TSNARE1: variants seen among roughly 807,000 people sequenced by gnomAD.
TSNARE1 encodes t-SNARE domain containing 1.
TSNARE1 carries 49 observed loss-of-function variants against 62.0 expected under a neutral mutation model. The observed-to-expected ratio is 0.79, with a 90% confidence interval of 0.63 to 1.00. The LOEUF (loss-of-function observed/expected upper bound fraction) is 1.00. Ranked by LOEUF, TSNARE1 falls within the 50% of genes least tolerant of loss-of-function variation. TSNARE1 has a pLI of 0.00. For missense variants in TSNARE1, 755 were observed against 700.1 expected, an observed-to-expected ratio of 1.08 and a Z score of -0.88; for synonymous variants, 328 against 294.4, an observed-to-expected ratio of 1.11 and a Z score of -1.17.
intron 4 of TSNARE1, among the ~76,000 whole-genome samples, chr8:142,340,492 G>A (rs977965766): frequency 4.6e-5 from 7 of 152,340 alleles, no homozygotes; most frequent in East Asian, 1.9e-4. Flanking sequence ...AGGTGGAAAC[G>A]CTCTGGAATT....
At chr8:142,352,719 C>G (rs1834266965) in intron 2 of TSNARE1, among the ~76,000 whole-genome samples, 1 of 152,238 alleles carries the variant, frequency 6.6e-6, no homozygotes, top group Non-Finnish European at 1.5e-5. Flanking sequence ...AAAACCTGCA[C>G]AGCTCAGCAA....
In TSNARE1 at chr8:142,345,809, C is replaced by G; in HGVS notation, c.172G>C (p.Gly58Arg). The change falls in exon 3 of 14, where the codon GGG becomes CGG. Residue 58 changes from glycine (G) to arginine (R), a missense_variant. By Grantham distance (125) the Gly-to-Arg change is moderately radical (BLOSUM62 -2). Coordinates refer to ENST00000524325, the MANE Select transcript of TSNARE1 (RefSeq NM_145003.5). ...PESKLQNRCVGKDGEGDLGPA... is the reference protein window; with the variant it reads ...PESKLQNRCVRKDGEGDLGPA... Reference sequence around the variant, plus strand: ...CCCAGATCACCTTCCCCGTCCTTCCCCACACAGCGGTTCTGCAGCTTGCTC... The same window carrying G: ...CCCAGATCACCTTCCCCGTCCTTCCGCACACAGCGGTTCTGCAGCTTGCTC... 1 of 1,613,998 alleles carries G rather than the reference C, an allele frequency of 6.2e-7. No homozygotes were observed. Among genetic ancestry groups the G allele is most frequent in the South Asian group, 1.1e-5 (1 of 91,062 alleles).
chr8:142,377,648 G>C (rs1274260858), intron 1 of TSNARE1, among the ~76,000 whole-genome samples: 1 of 151,986 alleles, frequency 6.6e-6, no homozygotes, highest in Non-Finnish European at 1.5e-5. Flanking sequence ...GTGCATAACT[G>C]GGGGAACGGC....
chr8:142,235,416 CCCTTCCT>C (rs1229465678), intron 12 of TSNARE1, among the ~76,000 whole-genome samples: 1 of 149,714 alleles, frequency 6.7e-6, no homozygotes, highest in East Asian at 2.0e-4. Context: ...TACCCCCGGC[CCCTTCCT>C]CCTGACCCCC....
intron 12 of TSNARE1, among the ~76,000 whole-genome samples, chr8:142,269,133 T>A (rs1184487204): frequency 4.6e-5 from 7 of 152,222 alleles, no homozygotes; most frequent in Non-Finnish European, 8.8e-5. Flanking sequence ...CAGAGGATAC[T>A]CCCAGAAGAT....
rs550933946 is a variant in TSNARE1, at chr8:142,223,049, C to T, written c.*11+6424G>A. Among the ~76,000 whole-genome samples the T allele has an allele frequency of 8.1e-4, 120 of 148,328 alleles. 18 individuals carry two copies. Among genetic ancestry groups the T allele is most frequent in the Admixed American group, 3.7e-3 (56 of 14,990 alleles). On this transcript the variant is annotated intron_variant, in intron 13 of 13. Coordinates refer to ENST00000524325, the MANE Select transcript of TSNARE1 (RefSeq NM_145003.5). ...CCACTCACTCATTCACTCACTCACT[C>T]ATTCACTCATTCACTTACTCGCTCA...
chr8:142,381,901 T>C (rs1165689509), intron 1 of TSNARE1, among the ~76,000 whole-genome samples: 2 of 152,154 alleles, frequency 1.3e-5, no homozygotes, highest in East Asian at 3.9e-4. Context: ...TGGGAGACAC[T>C]GAGTCACAGC....
chr8:142,343,958 G>T lies in TSNARE1; in HGVS notation c.745+8C>A. The T allele has an allele frequency of 6.6e-7, 1 of 1,515,158 alleles. No homozygotes were observed. Among genetic ancestry groups the T allele is most frequent in the South Asian group, 1.3e-5 (1 of 75,172 alleles). 93.9% of individuals were successfully genotyped at this position (1,515,158 alleles called of 1,614,324 possible). A position where few individuals can be genotyped will look rare whatever the true frequency, so the allele number is the denominator to read the frequency against. On this transcript the variant is annotated splice_region_variant and intron_variant, in intron 4 of 13. Coordinates refer to ENST00000524325, the MANE Select transcript of TSNARE1 (RefSeq NM_145003.5). ...ACCCTAGCAAGGTGAGCTGAGCAAGGAACTCACCTCTGGGCGGCTCCAGAC... is the reference window on the plus strand; with the variant it reads ...ACCCTAGCAAGGTGAGCTGAGCAAGTAACTCACCTCTGGGCGGCTCCAGAC...
chr8:142,401,263 G>A (rs1838270363), intron 1 of TSNARE1, among the ~76,000 whole-genome samples: 1 of 152,060 alleles, frequency 6.6e-6, no homozygotes, highest in African/African-American at 2.4e-5. Context: ...GCTGGGTGGG[G>A]TGCTCAGGAC....
intron 12 of TSNARE1, among the ~76,000 whole-genome samples, chr8:142,252,628 G>A (rs1563778208): frequency 6.6e-6 from 1 of 152,222 alleles, no homozygotes; most frequent in Non-Finnish European, 1.5e-5. Flanking sequence ...CAGCAAGCAA[G>A]TAACACAGCC....
rs1825575202 is a variant in TSNARE1 at position 142,300,660 on chromosome 8, A to G, written c.1132-16T>C. On this transcript the variant is annotated splice_polypyrimidine_tract_variant and intron_variant, in intron 9 of 13. Transcript: ENST00000524325. ...CCTGGGGACTCTGCTGATGACAGACAGATCTTGTTAGCACTGACCCCTCCC... is the reference window on the plus strand; with the variant it reads ...CCTGGGGACTCTGCTGATGACAGACGGATCTTGTTAGCACTGACCCCTCCC... The G allele has an allele frequency of 6.2e-7, 1 of 1,608,650 alleles. No individual in the cohort carries two copies. Among genetic ancestry groups the G allele is most frequent in the South Asian group, 1.1e-5 (1 of 90,600 alleles).
chr8:142,325,283 G>A (rs945341031), intron 6 of TSNARE1, among the ~76,000 whole-genome samples: 1 of 152,204 alleles, frequency 6.6e-6, no homozygotes. Context: ...GGACCTGAAA[G>A]GCCACAACAC....
intron 6 of TSNARE1, among the ~76,000 whole-genome samples, chr8:142,330,616 CCT>C (rs1200580724): frequency 6.6e-6 from 1 of 152,246 alleles, no homozygotes; most frequent in East Asian, 1.9e-4. Flanking sequence ...GCATGCACCC[CCT>C]GACCTTAGCA....
chr8:142,272,545 G>T, intron 12 of TSNARE1: 1 of 409,162 alleles, frequency 2.4e-6, no homozygotes, highest in Non-Finnish European at 2.8e-6. Flanking sequence ...CTACCCACCT[G>T]TCTACACCTT....
chr8:142,386,654 G>A (rs1837130551), intron 1 of TSNARE1, among the ~76,000 whole-genome samples: 1 of 152,144 alleles, frequency 6.6e-6, no homozygotes, highest in East Asian at 1.9e-4. Flanking sequence ...AATGGGCAAA[G>A]GTATGCCAAG....
intron 1 of TSNARE1, among the ~76,000 whole-genome samples, chr8:142,378,305 T>G (rs1836488973): frequency 6.6e-6 from 1 of 152,100 alleles, no homozygotes; most frequent in East Asian, 1.9e-4. Flanking sequence ...GTGATACCAT[T>G]TACAGAAAAT....
At chr8:142,338,169 C>T (rs4076885) in intron 4 of TSNARE1, among the ~76,000 whole-genome samples, 4,233 of 152,350 alleles carry the variant, frequency 0.028, 64 homozygotes, top group East Asian at 0.067. Flanking sequence ...ACAGGGATAA[C>T]GGGACACCCT....
intron 1 of TSNARE1, among the ~76,000 whole-genome samples, chr8:142,381,926 G>A (rs946335604): frequency 5.9e-5 from 9 of 152,152 alleles, no homozygotes; most frequent in Admixed American, 3.3e-4. Context: ...GCTCATGCCC[G>A]CACCCACTCT....
At chr8:142,273,741 G>A (rs1741135902) in intron 12 of TSNARE1, 1 of 985,302 alleles carries the variant, frequency 1.0e-6, no homozygotes, top group African/African-American at 1.7e-5. Flanking sequence ...GAAGCTCAAG[G>A]CAGCCCTGGC....
Sources: gnomAD v4.1 joint callset for allele counts (sites outside exome capture counted in the v4.1 genomes callset) on GRCh38, gnomAD v4.1.1 for gene constraint, MANE v1.5 for transcripts, NCBI Gene and HGNC (gene_info 2026-07-23, HGNC 2026-07-21) for gene names.